The following JPH1 variants were observed in gnomAD, a reference collection of about 807,000 sequenced individuals.
JPH1 encodes the protein junctophilin 1, also known as junctophilin-1.
JPH1 carries 12 observed loss-of-function variants against 53.6 expected under a neutral mutation model. The observed-to-expected ratio is 0.22, with a 90% CI of 0.14 to 0.36. The LOEUF (loss-of-function observed/expected upper bound fraction) is 0.36. Among genes scored for constraint, JPH1 ranks in the 10% least tolerant of loss-of-function variants. The pLI is 1.00. For synonymous variants in JPH1, 375 were observed against 363.8 expected (o/e 1.03, Z -0.35); for missense variants, 808 against 905.5 (o/e 0.89, Z 1.38).
chr8:74,307,123 G>A (rs1200053060), intron 2 of JPH1, among the ~76,000 whole-genome samples: 1 of 152,076 alleles, frequency 6.6e-6, no homozygotes, highest in Non-Finnish European at 1.5e-5. Flanking sequence ...TCTTCCTTTG[G>A]TTATCCCCAT....
intron 2 of JPH1, among the ~76,000 whole-genome samples, chr8:74,261,935 T>C (rs1221909716): frequency 6.6e-6 from 1 of 152,242 alleles, no homozygotes; most frequent in Non-Finnish European, 1.5e-5. Context: ...CTTTTTATAA[T>C]ATGCTAAACT....
chr8:74,245,016 C>T lies in JPH1; in HGVS notation c.1418G>A (p.Ser473Asn), dbSNP rs865986834. ...PRSPEASPKH[S>N]HSPASSPKPL... ...CTTTGGGGAGGAAGCAGGAGAGTGG[C>T]TGTGTTTGGGACTTGCCTCAGGAGA... is the stretch of plus-strand genomic sequence containing the variant. The change falls in exon 4 of 6, where the codon AGC becomes AAC. Residue 473 changes from serine (S) to asparagine (N), a missense_variant. Physicochemically the swap from Ser to Asn is conservative, Grantham distance 46 (BLOSUM62 1). Coordinates refer to ENST00000342232, the MANE Select transcript of JPH1 (RefSeq NM_020647.4). 6.2e-7 allele frequency: 1 copy of T among 1,613,852 alleles called. No individual in the cohort carries two copies. The highest frequency in any genetic ancestry group is 1.3e-5 in the African/African-American group (1 of 74,840).
chr8:74,265,091 T>C (rs1670868284), intron 2 of JPH1, among the ~76,000 whole-genome samples: 1 of 152,180 alleles, frequency 6.6e-6, no homozygotes, highest in Non-Finnish European at 1.5e-5. Flanking sequence ...ATGTAACTCA[T>C]TATAGTGTCC....
At chr8:74,311,498 AT>A in intron 2 of JPH1, among the ~76,000 whole-genome samples, 1 of 150,994 alleles carries the variant, frequency 6.6e-6, no homozygotes, top group Non-Finnish European at 1.5e-5. Flanking sequence ...ATCTTTTCTT[AT>A]TTTTAAGGCT....
At chr8:74,243,946 T>G (rs1805770236) in intron 4 of JPH1, among the ~76,000 whole-genome samples, 1 of 152,128 alleles carries the variant, frequency 6.6e-6, no homozygotes, top group Non-Finnish European at 1.5e-5. Flanking sequence ...CCAAAGAAAT[T>G]CTCTTGAACT....
chr8:74,321,389 A>T lies in JPH1; in HGVS notation c.-102T>A. 8.3e-7 allele frequency: 1 copy of T among 1,204,222 alleles called. No homozygotes were observed. The highest frequency in any genetic ancestry group is 1.1e-6 in the Non-Finnish European group (1 of 911,432). The allele number at this position is 1,204,222 out of a possible 1,614,324, so 74.6% of individuals were successfully genotyped here. On this transcript the variant is annotated 5_prime_UTR_variant, in exon 1 of 6. Transcript: ENST00000342232. This position sits in a 1 kb window ranked among gnomAD's most constrained non-coding sequence, Gnocchi z 4.3. Reference sequence around the variant, plus strand: ...GGGTGGGGGCCCGGCGGGCGAGCTCACGACAGCGCCCTGGGCAGCTCGCGC... The same window carrying T: ...GGGTGGGGGCCCGGCGGGCGAGCTCTCGACAGCGCCCTGGGCAGCTCGCGC...
intron 2 of JPH1, among the ~76,000 whole-genome samples, chr8:74,302,066 G>A (rs915710266): frequency 1.3e-5 from 2 of 152,212 alleles, no homozygotes; most frequent in Non-Finnish European, 2.9e-5. Flanking sequence ...TTGCCATGGG[G>A]ATGAGAGGAG....
intron 3 of JPH1, among the ~76,000 whole-genome samples, chr8:74,248,092 G>A (rs1805914867): frequency 6.6e-6 from 1 of 152,148 alleles, no homozygotes; most frequent in South Asian, 2.1e-4. Flanking sequence ...TTAGAAATCT[G>A]ATGTGTCACC....
intron 4 of JPH1, among the ~76,000 whole-genome samples, chr8:74,242,401 G>A (rs548444140): frequency 6.6e-6 from 1 of 152,320 alleles, no homozygotes; most frequent in African/African-American, 2.4e-5. Context: ...GGAAACCAAG[G>A]CACAGAGCAG....
intron 2 of JPH1, among the ~76,000 whole-genome samples, chr8:74,309,457 T>C (rs1807928443): frequency 6.6e-6 from 1 of 152,202 alleles, no homozygotes; most frequent in Non-Finnish European, 1.5e-5. Flanking sequence ...TTTCTTCTAA[T>C]ATTCAGATCA....
At chr8:74,246,566 C>A (rs1805868418) in intron 3 of JPH1, among the ~76,000 whole-genome samples, 1 of 150,298 alleles carries the variant, frequency 6.7e-6, no homozygotes, top group Non-Finnish European at 1.5e-5. Flanking sequence ...TGTTATTATC[C>A]CCATTTTACT....
chr8:74,287,929 T>C (rs1227313207), intron 2 of JPH1, among the ~76,000 whole-genome samples: 1 of 152,118 alleles, frequency 6.6e-6, no homozygotes, highest in Non-Finnish European at 1.5e-5. Flanking sequence ...TCGTTTTCAA[T>C]ACAAATATGT....
At chr8:74,242,970 T>G (rs1805739996) in intron 4 of JPH1, among the ~76,000 whole-genome samples, 2 of 152,114 alleles carry the variant, frequency 1.3e-5, no homozygotes, top group Admixed American at 6.6e-5. Flanking sequence ...GTAATTCAAC[T>G]TTTTTTTCCC....
Position 74,320,827 on chromosome 8 carries a change from G to T in JPH1, c.379+82C>A. 1.4e-6 allele frequency: 2 copies of T among 1,391,600 alleles called. No individual in the cohort carries two copies. The highest frequency in any genetic ancestry group is 1.9e-6 in the Non-Finnish European group (2 of 1,069,254). The allele number at this position is 1,391,600 out of a possible 1,614,324, so 86.2% of individuals were successfully genotyped here. A position where few individuals can be genotyped will look rare whatever the true frequency, so the allele number is the denominator to read the frequency against. On this transcript the variant is annotated intron_variant, in intron 1 of 5. Coordinates refer to ENST00000342232, the MANE Select transcript of JPH1 (RefSeq NM_020647.4). This position sits in a 1 kb window ranked among gnomAD's most constrained non-coding sequence, Gnocchi z 4.4. ...GGGTTTCCGGACACGTGCGCCCGGC[G>T]TCCTCCCCGCTTCCCCGCAGCCGGG...
chr8:74,255,930 T>C (rs1309900005), intron 3 of JPH1, among the ~76,000 whole-genome samples: 1 of 152,178 alleles, frequency 6.6e-6, no homozygotes, highest in Non-Finnish European at 1.5e-5. Context: ...AGGAATACTT[T>C]TACACTGTTG....
At chr8:74,253,467 A>G (rs957907210) in intron 3 of JPH1, among the ~76,000 whole-genome samples, 1 of 152,160 alleles carries the variant, frequency 6.6e-6, no homozygotes, top group African/African-American at 2.4e-5. Flanking sequence ...ACACCCTAAC[A>G]TCACAATTAG....
intron 3 of JPH1, among the ~76,000 whole-genome samples, chr8:74,255,482 T>A (rs1444468600): frequency 6.6e-6 from 1 of 152,072 alleles, no homozygotes; most frequent in African/African-American, 2.4e-5. Flanking sequence ...GACATAGGCA[T>A]AGGCAAGGAC....
At chr8:74,283,084 T>C (rs1462467436) in intron 2 of JPH1, among the ~76,000 whole-genome samples, 1 of 152,104 alleles carries the variant, frequency 6.6e-6, no homozygotes, top group Non-Finnish European at 1.5e-5. Flanking sequence ...TGTTAGGGGT[T>C]ATTAGGGGAG....
intron 2 of JPH1, among the ~76,000 whole-genome samples, chr8:74,297,401 A>C (rs1364522869): frequency 2.0e-5 from 3 of 152,234 alleles, no homozygotes; most frequent in Non-Finnish European, 4.4e-5. Flanking sequence ...ACCAAGGAAC[A>C]TAAAGATACA....
Sources: allele counts gnomAD v4.1 joint callset (sites outside exome capture counted in the v4.1 genomes callset), GRCh38; gene constraint gnomAD v4.1.1; non-coding constraint Gnocchi (gnomAD v3.1); transcripts MANE v1.5; gene names NCBI Gene and HGNC (gene_info 2026-07-23, HGNC 2026-07-21).